Variants in ANGPTL1 observed in about 807,000 individuals in gnomAD.
The protein encoded by ANGPTL1 is angiopoietin-related protein 1.
Under a neutral mutation model 46.7 loss-of-function variants are expected in ANGPTL1, and 36 were observed. The observed-to-expected ratio is 0.77, with a 90% CI of 0.59 to 1.02. The LOEUF (loss-of-function observed/expected upper bound fraction) is 1.02. Ranked by LOEUF, ANGPTL1 falls within the 50% of genes least tolerant of loss-of-function variation. ANGPTL1 has a pLI of 0.00. For synonymous variants in ANGPTL1, 221 were observed against 204.3 expected (o/e 1.08, Z -0.69); for missense variants, 571 against 594.7 (o/e 0.96, Z 0.41).
Position 178,849,797 on chromosome 1 carries a change from G to A in ANGPTL1, c.*1332C>T, listed in dbSNP as rs1204631494. On this transcript the variant is annotated 3_prime_UTR_variant, in exon 6 of 6. Transcript: ENST00000234816. ...ACATTGGTCATGTTGATGGATTTGA[G>A]TTGTCCAAATGATTATCTTCACATT... 1 of 152,236 alleles carries A rather than the reference G, an allele frequency of 6.6e-6. No individual in the cohort carries two copies. Among genetic ancestry groups the A allele is most frequent in the Non-Finnish European group, 1.5e-5 (1 of 68,038 alleles). 9.4% of individuals were successfully genotyped at this position (152,236 alleles called of 1,614,324 possible).
At chr1:178,851,770 C>A (rs1285597513) in intron 5 of ANGPTL1, among the ~76,000 whole-genome samples, 1 of 152,116 alleles carries the variant, frequency 6.6e-6, no homozygotes, top group African/African-American at 2.4e-5. Flanking sequence ...TGGTCTATCT[C>A]TCCTCTTTTC....
chr1:178,868,002 T>C (rs1461943361), intron 2 of ANGPTL1, among the ~76,000 whole-genome samples: 1 of 151,900 alleles, frequency 6.6e-6, no homozygotes, highest in Non-Finnish European at 1.5e-5. Flanking sequence ...TTATTATTAT[T>C]TTACTAACAA....
At chr1:178,869,857 T>C (rs1047223654) in intron 1 of ANGPTL1, among the ~76,000 whole-genome samples, 5 of 152,096 alleles carry the variant, frequency 3.3e-5, no homozygotes, top group Non-Finnish European at 7.4e-5. Context: ...TTTAATAGTT[T>C]TTATAATGCA....
chr1:178,861,880 A>T (rs113607961), intron 3 of ANGPTL1, among the ~76,000 whole-genome samples: 3 of 151,492 alleles, frequency 2.0e-5, no homozygotes, highest in African/African-American at 4.9e-5. Context: ...TTGTTGTTGT[A>T]GTTGTTGTTG....
chr1:178,861,942 G>A (rs1377458544), intron 3 of ANGPTL1, among the ~76,000 whole-genome samples: 3 of 151,838 alleles, frequency 2.0e-5, no homozygotes, highest in South Asian at 2.1e-4. Context: ...GTGCGATCTC[G>A]GCTCACTGCA....
intron 2 of ANGPTL1, among the ~76,000 whole-genome samples, 165 bp from the exon 3 acceptor site, chr1:178,865,967 A>T (rs372125016): frequency 2.6e-5 from 4 of 152,222 alleles, no homozygotes; most frequent in Non-Finnish European, 5.9e-5. Flanking sequence ...TTTAATATTA[A>T]GTTGTAATAC....
At chr1:178,868,190 A>T (rs1209209182) in intron 2 of ANGPTL1, among the ~76,000 whole-genome samples, 1 of 151,890 alleles carries the variant, frequency 6.6e-6, no homozygotes, top group Non-Finnish European at 1.5e-5. Context: ...TTTTATTTTT[A>T]AAAATAGACT....
intron 4 of ANGPTL1, 39 bp downstream of exon 4, chr1:178,853,555 A>G (rs2102297797): frequency 6.9e-7 from 1 of 1,440,084 alleles, no homozygotes; most frequent in Non-Finnish European, 9.2e-7. Context: ...GCAAGAATGG[A>G]TTTGTTTTAC....
chr1:178,853,898 T>A, intron 3 of ANGPTL1, 111 bp from the exon 4 acceptor site: 2 of 697,002 alleles, frequency 2.9e-6, no homozygotes, highest in Non-Finnish European at 4.4e-6. Flanking sequence ...TTACCATTGT[T>A]TATCATATAT....
chr1:178,863,534 T>C (rs1163388192), intron 3 of ANGPTL1, among the ~76,000 whole-genome samples: 3 of 152,240 alleles, frequency 2.0e-5, no homozygotes, highest in Non-Finnish European at 4.4e-5. Flanking sequence ...CCTTGAGATC[T>C]GCTAAATTGA....
In ANGPTL1 at chr1:178,865,181, T is replaced by C; in HGVS notation, c.596A>G (p.Gln199Arg). The change falls in exon 3 of 6, where the codon CAG becomes CGG. Residue 199 changes from glutamine to arginine, a missense_variant. Coordinates refer to ENST00000234816, the MANE Select transcript of ANGPTL1 (RefSeq NM_004673.4). ...QSVMITLLEE[Q>R]CLRIFSRQDT... ...TTGTCGGGAAAATATCCTCAAGCAC[T>C]GTTCTTCCAACAAAGTGATCATCAC... is the stretch of plus-strand genomic sequence containing the variant. 6.2e-7 allele frequency: 1 copy of C among 1,612,982 alleles called. No individual in the cohort carries two copies. Among genetic ancestry groups the C allele is most frequent in the African/African-American group, 1.3e-5 (1 of 75,026 alleles).
Position 178,859,825 on chromosome 1 carries a change from C to T in ANGPTL1, c.823+5129G>A, listed in dbSNP as rs554814630. On this transcript the variant is annotated intron_variant, in intron 3 of 5. Transcript: ENST00000234816. ...CCATTCTCCTGCCTCTGCCCGCCCC[C>T]CCCCCCCCAACCGCCCAAGTAGCTG... is the stretch of plus-strand genomic sequence containing the variant. Among the ~76,000 whole-genome samples the T allele has an allele frequency of 1.4e-3, 97 of 70,898 alleles. 23 individuals are homozygous for T. Among genetic ancestry groups the T allele is most frequent in the Non-Finnish European group, 6.4e-5 (2 of 31,372 alleles). The allele number at this position is 70,898 out of a possible 152,430, so 46.5% of individuals were successfully genotyped here. A position where few individuals can be genotyped will look rare whatever the true frequency, so the allele number is the denominator to read the frequency against.
rs80350662 is a variant in ANGPTL1 at position 178,849,929 on chromosome 1, T to C, written c.*1200A>G. ...CTTTAAAATTTTAACTTCACAAATATATTAAGGCAAGGTCACCTCTAAGCA... is the reference window on the plus strand; with the variant it reads ...CTTTAAAATTTTAACTTCACAAATACATTAAGGCAAGGTCACCTCTAAGCA... On this transcript the variant is annotated 3_prime_UTR_variant, in exon 6 of 6. Coordinates refer to ENST00000234816, the MANE Select transcript of ANGPTL1 (RefSeq NM_004673.4). 3 of 152,316 alleles carry C rather than the reference T, an allele frequency of 2.0e-5. No homozygotes were observed. Among genetic ancestry groups the C allele is most frequent in the African/African-American group, 4.8e-5 (2 of 41,468 alleles). The allele number at this position is 152,316 out of a possible 1,614,324, so 9.4% of individuals were successfully genotyped here.
At chr1:178,856,196 G>GATAGATAGATAGAT (rs1449088390) in intron 3 of ANGPTL1, among the ~76,000 whole-genome samples, 9 of 41,040 alleles carry the variant, frequency 2.2e-4, no homozygotes, top group African/African-American at 9.3e-4. Context: ...TTTCCAGAGA[G>GATAGATAGATAGAT]AGAGAGATAT....
In ANGPTL1 at chr1:178,866,522, T is replaced by C. The variant is rs117752397; in HGVS notation, c.-26-720A>G. Reference sequence around the variant, plus strand: ...TGTAATTATATGTACTCTGAGCTTATAGATAATTCAGCAGGTTTGTTCTTC... The same window carrying C: ...TGTAATTATATGTACTCTGAGCTTACAGATAATTCAGCAGGTTTGTTCTTC... On this transcript the variant is annotated intron_variant, in intron 2 of 5. Transcript: ENST00000234816. 1.2e-3 allele frequency among the ~76,000 whole-genome samples: 183 copies of C among 152,304 alleles called. 1 individual carries two copies. Among genetic ancestry groups the C allele is most frequent in the Middle Eastern group, 3.4e-3 (1 of 292 alleles).
In ANGPTL1 at chr1:178,865,265, CT is replaced by C. The variant is rs1558159499; in HGVS notation, c.511del (p.Arg171AspfsTer5). 1 of 1,614,096 alleles carries C rather than the reference CT, an allele frequency of 6.2e-7. No individual in the cohort carries two copies. Among genetic ancestry groups the C allele is most frequent in the Non-Finnish European group, 8.5e-7 (1 of 1,179,990 alleles). The stretch of plus-strand genomic sequence containing the variant: ...GTATTTCACCTCTAGTTCCCTGTAT[CT>C]TGTTGCCATCTTCAACATTTCTGTG... ...VTTEMLKMATRYRELEVKYAS... is the reference protein window; with the variant it reads ...VTTEMLKMATXYRELEVKYAS... On this transcript the variant is annotated frameshift_variant, in exon 3 of 6. Transcript: ENST00000234816. LOFTEE classifies it high-confidence loss of function.
Position 178,851,163 on chromosome 1 carries a change from C to G in ANGPTL1, c.1442G>C (p.Arg481Thr). ...AEYRGGSYSL[R>T]AVQMMIKPID is the part of the protein sequence containing the mutation. ...AGGCTTGATCATCATCTGAACTGCTCTTAAGGAGTATGACCCGCCTCTGTA... is the reference window on the plus strand; with the variant it reads ...AGGCTTGATCATCATCTGAACTGCTGTTAAGGAGTATGACCCGCCTCTGTA... The change falls in exon 6 of 6, where the codon AGA becomes ACA. Residue 481 changes from arginine (R) to threonine (T), a missense_variant. Physicochemically the swap from Arg to Thr is moderately conservative, Grantham distance 71. Transcript: ENST00000234816. 1 of 1,613,868 alleles carries G rather than the reference C, an allele frequency of 6.2e-7. No individual in the cohort carries two copies. Among genetic ancestry groups the G allele is most frequent in the Non-Finnish European group, 8.5e-7 (1 of 1,179,860 alleles).
chr1:178,856,936 T>C (rs1478840382), intron 3 of ANGPTL1, among the ~76,000 whole-genome samples: 2 of 152,162 alleles, frequency 1.3e-5, no homozygotes, highest in African/African-American at 2.4e-5. Context: ...AAAACATTAA[T>C]GTGCTTGGAA....
chr1:178,858,077 T>C (rs1404996680), intron 3 of ANGPTL1, among the ~76,000 whole-genome samples: 4 of 152,180 alleles, frequency 2.6e-5, no homozygotes, highest in Non-Finnish European at 5.9e-5. Flanking sequence ...GGAAATGTAG[T>C]TGAAGTTCTT....
Sources: gnomAD v4.1 joint callset for allele counts (sites outside exome capture counted in the v4.1 genomes callset) on GRCh38, gnomAD v4.1.1 for gene constraint, MANE v1.5 for transcripts, NCBI Gene and HGNC (gene_info 2026-07-23, HGNC 2026-07-21) for gene names.